OR51B5: variants seen among roughly 807,000 people sequenced by gnomAD.
The protein encoded by OR51B5 is olfactory receptor 51B5.
For synonymous variants in OR51B5, 186 were observed against 144.8 expected (o/e 1.28, Z -2.04); for missense variants, 456 against 374.6 (o/e 1.22, Z -1.79).
intron 1 of OR51B5, among the ~76,000 whole-genome samples, chr11:5,374,401 T>C (rs1849491806): frequency 6.6e-6 from 1 of 151,968 alleles, no homozygotes; most frequent in Admixed American, 6.6e-5. Flanking sequence ...GCAGAAAAAC[T>C]GGAAACTCTA....
Position 5,504,972 on chromosome 11 carries a change from T to G in OR51B5, n.84+597A>C, listed in dbSNP as rs74637727. On this transcript the variant is annotated intron_variant and non_coding_transcript_variant, in intron 1 of 4. Coordinates refer to the OR51B5 transcript ENST00000415970. ...AGAATTATCCACTAAATGAACACTC[T>G]TCTCCCTAGCTAAGACTTTTAGACC... Among the ~76,000 whole-genome samples, 95 of 152,340 alleles carry G rather than the reference T, an allele frequency of 6.2e-4. 1 individual carries two copies. Among genetic ancestry groups the G allele is most frequent in the African/African-American group, 2.2e-3 (92 of 41,576 alleles).
intron 1 of OR51B5, chr11:5,422,406 C>T: frequency 1.2e-6 from 2 of 1,614,112 alleles, no homozygotes; most frequent in South Asian, 1.1e-5. Flanking sequence ...TCCATGCTGG[C>T]CCTGACGGAC....
At chr11:5,478,003 C>A (rs1851342657) in intron 1 of OR51B5, among the ~76,000 whole-genome samples, 1 of 151,900 alleles carries the variant, frequency 6.6e-6, no homozygotes. Flanking sequence ...CTGGGTGGAG[C>A]CCACCACAGC....
Position 5,351,907 on chromosome 11 carries a change from C to A in OR51B5, n.85-4997G>T, listed in dbSNP as rs759165075. 4 of 1,613,030 alleles carry A rather than the reference C, an allele frequency of 2.5e-6. No homozygotes were observed. Among genetic ancestry groups the A allele is most frequent in the Non-Finnish European group, 2.5e-6 (3 of 1,179,188 alleles). On this transcript the variant is annotated intron_variant and non_coding_transcript_variant, in intron 1 of 4. Coordinates refer to the OR51B5 transcript ENST00000415970. ...CAGCCCCTTAAGATATACCTCTATC[C>A]TGACCAACACCCAGGTAATGAAGAT...
intron 1 of OR51B5, among the ~76,000 whole-genome samples, chr11:5,505,181 C>G (rs528461843): frequency 1.0e-3 from 156 of 152,338 alleles, no homozygotes; most frequent in African/African-American, 3.5e-3. Context: ...CAGGACTTCA[C>G]TTCATATGAC....
At chr11:5,485,141 G>A (rs1269597137) in intron 1 of OR51B5, among the ~76,000 whole-genome samples, 1 of 152,122 alleles carries the variant, frequency 6.6e-6, no homozygotes, top group Non-Finnish European at 1.5e-5. Context: ...GTGATGGAAG[G>A]TAGATCTCTG....
intron 1 of OR51B5, among the ~76,000 whole-genome samples, chr11:5,462,888 G>GT (rs1564821639): frequency 2.6e-5 from 4 of 152,202 alleles, no homozygotes; most frequent in Admixed American, 1.3e-4. Context: ...AGCATACAGT[G>GT]TATGAAGTCA....
intron 1 of OR51B5, among the ~76,000 whole-genome samples, chr11:5,367,404 T>C (rs1451992716): frequency 6.6e-6 from 1 of 152,176 alleles, no homozygotes; most frequent in Admixed American, 6.5e-5. Context: ...CCCATTTTTA[T>C]GGTTATTTAT....
chr11:5,424,149 C>G (rs1455559272), intron 1 of OR51B5, among the ~76,000 whole-genome samples: 1 of 152,038 alleles, frequency 6.6e-6, no homozygotes, highest in African/African-American at 2.4e-5. Flanking sequence ...TGCAGGTGGT[C>G]AATATTGGGA....
chr11:5,402,713 C>T lies in OR51B5; in HGVS notation n.85-55803G>A, dbSNP rs766612282. ...CCGTCCCCTTCTCCCTGATATACAT[C>T]ATCATTTTCCTTGGGAATGGCATCA... On this transcript the variant is annotated intron_variant and non_coding_transcript_variant, in intron 1 of 4. Coordinates refer to the OR51B5 transcript ENST00000415970. 95 of 471,314 alleles carry T rather than the reference C, an allele frequency of 2.0e-4. 4 individuals are homozygous for T. The Middle Eastern group carries it at 0.017, about 84-fold the overall frequency. 29.2% of individuals were successfully genotyped at this position (471,314 alleles called of 1,614,324 possible). A position where few individuals can be genotyped will look rare whatever the true frequency, so the allele number is the denominator to read the frequency against.
At chr11:5,353,800 C>CA (rs1849140799) in intron 1 of OR51B5, among the ~76,000 whole-genome samples, 2 of 152,338 alleles carry the variant, frequency 1.3e-5, no homozygotes, top group South Asian at 4.1e-4. Context: ...TGGCTGCCCA[C>CA]CTACTCTTCA....
At chr11:5,492,746 C>A (rs1237823392) in intron 1 of OR51B5, among the ~76,000 whole-genome samples, 2 of 152,144 alleles carry the variant, frequency 1.3e-5, no homozygotes, top group Admixed American at 1.3e-4. Context: ...AAGCCATTCT[C>A]CTGCCTCAGC....
intron 1 of OR51B5, among the ~76,000 whole-genome samples, chr11:5,450,325 G>T (rs770630079): frequency 1.7e-4 from 26 of 152,130 alleles, no homozygotes; most frequent in Non-Finnish European, 3.8e-4. Context: ...GGAGACAGAG[G>T]TTGCAGTGAG....
At chr11:5,466,577 G>C (rs1462518697) in intron 1 of OR51B5, among the ~76,000 whole-genome samples, 14 of 152,182 alleles carry the variant, frequency 9.2e-5, no homozygotes, top group Admixed American at 9.2e-4. Context: ...GAGCGCCATG[G>C]ATTCATCTTT....
intron 1 of OR51B5, among the ~76,000 whole-genome samples, chr11:5,495,111 G>A (rs1312622777): frequency 2.0e-5 from 3 of 152,202 alleles, no homozygotes; most frequent in Non-Finnish European, 4.4e-5. Context: ...GAGCCCTGGA[G>A]TCCAGATGAG....
chr11:5,495,507 T>A (rs1482672637), intron 1 of OR51B5, among the ~76,000 whole-genome samples: 2 of 152,242 alleles, frequency 1.3e-5, no homozygotes, highest in Non-Finnish European at 2.9e-5. Context: ...GTATGCAATT[T>A]AACTTAGGTT....
chr11:5,404,537 T>C (rs868201401), intron 1 of OR51B5, among the ~76,000 whole-genome samples: 7 of 151,964 alleles, frequency 4.6e-5, no homozygotes, highest in Non-Finnish European at 7.4e-5. Flanking sequence ...GACCAATCAG[T>C]GCTCTGTAAA....
At chr11:5,398,126 C>G (rs537744352) in intron 1 of OR51B5, among the ~76,000 whole-genome samples, 42 of 152,274 alleles carry the variant, frequency 2.8e-4, no homozygotes, top group Admixed American at 7.8e-4. Context: ...GGGTGCAGCA[C>G]ACCAACATGG....
intron 1 of OR51B5, among the ~76,000 whole-genome samples, chr11:5,478,169 C>G (rs1047756543): frequency 5.3e-5 from 8 of 151,896 alleles, no homozygotes; most frequent in African/African-American, 1.9e-4. Flanking sequence ...GATCTGAGAA[C>G]GGGTAGACTG....
Sources: allele counts gnomAD v4.1 joint callset (sites outside exome capture counted in the v4.1 genomes callset), GRCh38; gene constraint gnomAD v4.1.1; transcripts MANE v1.5; gene names NCBI Gene and HGNC (gene_info 2026-07-23, HGNC 2026-07-21).